COL28A1: variants seen among roughly 807,000 people sequenced by gnomAD.
COL28A1 encodes collagen type XXVIII alpha 1 chain.
In COL28A1, 161 loss-of-function variants were observed where a neutral mutation model predicts 150.2. That is an observed-to-expected ratio of 1.07 (90% confidence interval 0.94 to 1.22). The LOEUF is 1.22. COL28A1 is among the 50% of genes most tolerant of loss of function. The probability of loss-of-function intolerance (pLI) is 0.00; values close to 1 mark genes in which losing one functional copy is unlikely to be tolerated. For synonymous variants in COL28A1, 552 were observed against 469.7 expected, an observed-to-expected ratio of 1.18 and a Z score of -2.26; for missense variants, 1,617 against 1,388.3, an observed-to-expected ratio of 1.16 and a Z score of -2.62.
At position 7,432,662 on chromosome 7, in the gene COL28A1, T is replaced by A; in HGVS notation, c.1899A>T (p.Gly633=). ...CACCAGGATAGCCATCACCTTTGAG[T>A]CCTGGAGCACCCACTGGTCCCCGAG... ...QGPRGPVGAP[G]LKGDGYPGVP... Residue 633 remains glycine (G), a synonymous_variant, in exon 24 of 35, where the codon GGA becomes GGT. Coordinates refer to ENST00000399429, the MANE Select transcript of COL28A1 (RefSeq NM_001037763.3). The A allele has an allele frequency of 6.2e-7, 1 of 1,613,976 alleles. No individual in the cohort carries two copies. The highest frequency in any genetic ancestry group is 2.2e-5 in the East Asian group (1 of 44,856).
At chr7:7,457,635 G>T (rs926796211) in intron 15 of COL28A1, among the ~76,000 whole-genome samples, 1 of 152,050 alleles carries the variant, frequency 6.6e-6, no homozygotes, top group Non-Finnish European at 1.5e-5. Context: ...CCAAGTAATA[G>T]AAAAAAGAGA....
chr7:7,349,515 C>A, the COL28A1 span, among the ~76,000 whole-genome samples: 1 of 152,152 alleles, frequency 6.6e-6, no homozygotes, highest in Non-Finnish European at 1.5e-5. Context: ...AAATTCCTTT[C>A]TTTACAGTAC....
At chr7:7,376,746 T>C (rs17307125) in intron 30 of COL28A1, among the ~76,000 whole-genome samples, 1,597 of 152,256 alleles carry the variant, frequency 0.01, 28 homozygotes, top group African/African-American at 0.037. Flanking sequence ...AGTTTTATGG[T>C]TATAATTTGT....
chr7:7,426,108 G>C (rs1784630979), intron 25 of COL28A1, among the ~76,000 whole-genome samples: 1 of 152,088 alleles, frequency 6.6e-6, no homozygotes, highest in African/African-American at 2.4e-5. Flanking sequence ...GACAATAAAA[G>C]CAAATTAAAT....
At chr7:7,364,969 T>A (rs890982705) in intron 33 of COL28A1, among the ~76,000 whole-genome samples, 130 of 152,244 alleles carry the variant, frequency 8.5e-4, no homozygotes, top group Middle Eastern at 3.4e-3. Context: ...AAGAGATAAA[T>A]TTGCATTATT....
the COL28A1 span, among the ~76,000 whole-genome samples, chr7:7,349,220 TAA>T: frequency 2.0e-4 from 31 of 152,288 alleles, no homozygotes; most frequent in Admixed American, 1.2e-3. Context: ...TCCATTGTGA[TAA>T]GAGAACATAC....
intron 11 of COL28A1, among the ~76,000 whole-genome samples, chr7:7,494,238 A>G (rs1207210649): frequency 1.3e-5 from 2 of 152,066 alleles, no homozygotes; most frequent in Admixed American, 1.3e-4. Flanking sequence ...TCTTCTAACA[A>G]TCATAGGAAA....
chr7:7,494,940 A>G (rs1042536412), intron 11 of COL28A1, among the ~76,000 whole-genome samples: 1 of 152,172 alleles, frequency 6.6e-6, no homozygotes, highest in Admixed American at 6.5e-5. Flanking sequence ...GTTACAGAAG[A>G]AGAAAGAGCA....
rs140392611 is a variant in COL28A1 at position 7,512,394 on chromosome 7, T to C, written c.883-1259A>G. Among the ~76,000 whole-genome samples, 1,429 of 152,328 alleles carry C rather than the reference T, an allele frequency of 9.4e-3. 24 individuals carry two copies. Among genetic ancestry groups the C allele is most frequent in the African/African-American group, 0.033 (1,357 of 41,586 alleles). On this transcript the variant is annotated intron_variant, in intron 8 of 34. Transcript: ENST00000399429. ...AAAAACTGATCATTATGTGAAGTGA[T>C]ATATATGTTAATTAGCTCAATTTAG...
the COL28A1 span, among the ~76,000 whole-genome samples, chr7:7,348,064 G>A: frequency 6.6e-6 from 1 of 152,038 alleles, no homozygotes; most frequent in South Asian, 2.1e-4. Context: ...TATAGAGGAG[G>A]AAATAGATTT....
intron 15 of COL28A1, among the ~76,000 whole-genome samples, chr7:7,464,131 C>A (rs1316734244): frequency 2.0e-5 from 3 of 152,178 alleles, no homozygotes; most frequent in African/African-American, 4.8e-5. Context: ...AATATATATG[C>A]ACCCAACACT....
the COL28A1 span, among the ~76,000 whole-genome samples, chr7:7,340,865 T>C: frequency 6.6e-6 from 1 of 152,088 alleles, no homozygotes; most frequent in Non-Finnish European, 1.5e-5. Flanking sequence ...TTGGTAAATA[T>C]ACCTTTATAA....
intron 25 of COL28A1, 47 bp from the exon 26 acceptor site, chr7:7,420,000 TATG>T (rs199894273): frequency 2.1e-4 from 218 of 1,045,374 alleles, no homozygotes; most frequent in Middle Eastern, 1.3e-3. Flanking sequence ...TTAAAGACTT[TATG>T]TTTTTTTCAA....
intron 33 of COL28A1, 111 bp from the exon 34 acceptor site, chr7:7,360,639 C>A: frequency 1.2e-6 from 1 of 869,092 alleles, no homozygotes; most frequent in Non-Finnish European, 1.7e-6. Flanking sequence ...GTTTCCCTAG[C>A]TCTCTGATAC....
intron 30 of COL28A1, among the ~76,000 whole-genome samples, chr7:7,376,200 G>A (rs1781533530): frequency 6.9e-6 from 1 of 144,708 alleles, no homozygotes. Flanking sequence ...GACTAGAGAA[G>A]GCAGGATTCC....
the COL28A1 span, among the ~76,000 whole-genome samples, chr7:7,541,774 C>A: frequency 6.6e-6 from 1 of 152,118 alleles, no homozygotes; most frequent in Non-Finnish European, 1.5e-5. Flanking sequence ...TATATAGGAT[C>A]AAGAAGCTCT....
chr7:7,394,802 G>A (rs1782746122), intron 27 of COL28A1, among the ~76,000 whole-genome samples: 1 of 152,154 alleles, frequency 6.6e-6, no homozygotes, highest in Admixed American at 6.5e-5. Context: ...GCCTTCCCAA[G>A]GTTCCTTTGT....
At chr7:7,458,156 C>T (rs1787321069) in intron 15 of COL28A1, among the ~76,000 whole-genome samples, 1 of 152,150 alleles carries the variant, frequency 6.6e-6, no homozygotes, top group African/African-American at 2.4e-5. Flanking sequence ...GTGGCTCACG[C>T]CTATAATCCC....
intron 11 of COL28A1, among the ~76,000 whole-genome samples, chr7:7,492,328 C>G (rs1201982359): frequency 6.6e-6 from 1 of 151,624 alleles, no homozygotes; most frequent in Non-Finnish European, 1.5e-5. Flanking sequence ...AATCCCAGCA[C>G]TTTGGGAGGC....
Sources: gnomAD v4.1 joint callset for allele counts (sites outside exome capture counted in the v4.1 genomes callset) on GRCh38, gnomAD v4.1.1 for gene constraint, MANE v1.5 for transcripts, NCBI Gene and HGNC (gene_info 2026-07-23, HGNC 2026-07-21) for gene names.